PTPRG: variants seen among roughly 807,000 people sequenced by gnomAD.
The protein encoded by PTPRG is protein tyrosine phosphatase receptor type G, also known as receptor-type tyrosine-protein phosphatase gamma.
A neutral mutation model predicts 165.3 loss-of-function variants in PTPRG; 102 were observed. The ratio of observed to expected loss-of-function variants is 0.62; its 90% CI spans 0.53 to 0.73. The LOEUF is 0.73. Among genes scored for constraint, PTPRG ranks in the 30% least tolerant of loss-of-function variants. The pLI is 0.00. For synonymous variants in PTPRG, 675 were observed against 669.5 expected (o/e 1.01, Z -0.13); for missense variants, 1,866 against 1,861.4 (o/e 1.00, Z -0.05).
intron 1 of PTPRG, among the ~76,000 whole-genome samples, chr3:61,640,892 A>C (rs1702040994): frequency 6.6e-6 from 1 of 152,086 alleles, no homozygotes; most frequent in South Asian, 2.1e-4. Flanking sequence ...CAGTGTTTTA[A>C]GTGGGAAGGT....
At position 62,281,552 on chromosome 3, in the gene PTPRG, G is replaced by GTTTTTTT; in HGVS notation, c.3766-11_3766-10insTTTTTTT. Reference sequence around the variant, plus strand: ...AACTGCAGAGGCTTTTTTTTTTTTTGGATTCCAAAGGCAGAAGATGAGTTT... The same window carrying GTTTTTTT: ...AACTGCAGAGGCTTTTTTTTTTTTTGTTTTTTTGATTCCAAAGGCAGAAGATGAGTTT... On this transcript the variant is annotated splice_polypyrimidine_tract_variant and intron_variant, in intron 26 of 29. Transcript: ENST00000474889. 5.0e-6 allele frequency: 1 copy of GTTTTTTT among 199,704 alleles called. No individual in the cohort carries two copies. Among genetic ancestry groups the GTTTTTTT allele is most frequent in the Non-Finnish European group, 6.9e-6 (1 of 145,198 alleles). The allele number at this position is 199,704 out of a possible 1,614,324, so 12.4% of individuals were successfully genotyped here. A position where few individuals can be genotyped will look rare whatever the true frequency, so the allele number is the denominator to read the frequency against.
chr3:61,585,474 G>C (rs560263447), intron 1 of PTPRG, among the ~76,000 whole-genome samples: 93 of 151,902 alleles, frequency 6.1e-4, no homozygotes, highest in African/African-American at 2.1e-3. Context: ...AGGCTGGTGT[G>C]GTGGCTCCCA....
At chr3:61,582,568 T>G (rs907406877) in intron 1 of PTPRG, among the ~76,000 whole-genome samples, 1 of 152,168 alleles carries the variant, frequency 6.6e-6, no homozygotes, top group African/African-American at 2.4e-5. Flanking sequence ...AAGAGTGGAA[T>G]TCATGTTAAC....
At chr3:61,691,472 A>G (rs894116521) in intron 1 of PTPRG, among the ~76,000 whole-genome samples, 5 of 152,216 alleles carry the variant, frequency 3.3e-5, no homozygotes, top group Non-Finnish European at 7.3e-5. Flanking sequence ...TGTGCTTCAT[A>G]TATATGAGGA....
chr3:62,125,953 C>G (rs1023063581), intron 5 of PTPRG, among the ~76,000 whole-genome samples: 1 of 152,084 alleles, frequency 6.6e-6, no homozygotes, highest in South Asian at 2.1e-4. Flanking sequence ...AATCACCATG[C>G]GGGCCCCCAC....
intron 4 of PTPRG, among the ~76,000 whole-genome samples, chr3:62,026,319 T>C (rs2041803268): frequency 6.6e-6 from 1 of 152,234 alleles, no homozygotes; most frequent in Admixed American, 6.5e-5. Flanking sequence ...AAGTGTTTTT[T>C]ATATTAACTA....
intron 1 of PTPRG, among the ~76,000 whole-genome samples, chr3:61,663,704 C>A (rs887075723): frequency 3.3e-5 from 5 of 152,158 alleles, no homozygotes; most frequent in African/African-American, 1.2e-4. Context: ...TGCTTTCCTG[C>A]AACTAAGCAG....
At chr3:61,807,624 A>G (rs1356923804) in intron 2 of PTPRG, among the ~76,000 whole-genome samples, 1 of 152,170 alleles carries the variant, frequency 6.6e-6, no homozygotes, top group Non-Finnish European at 1.5e-5. Context: ...ATAATCTAAG[A>G]CTGCTAGAAA....
Position 62,293,875 on chromosome 3 carries a change from ATTTAT to A in PTPRG, c.*569_*573del, listed in dbSNP as rs1702981850. 1 of 152,514 alleles carries A rather than the reference ATTTAT, an allele frequency of 6.6e-6. No individual in the cohort carries two copies. Among genetic ancestry groups the A allele is most frequent in the Non-Finnish European group, 1.5e-5 (1 of 68,006 alleles). The allele number at this position is 152,514 out of a possible 1,614,324, so 9.4% of individuals were successfully genotyped here. A position where few individuals can be genotyped will look rare whatever the true frequency, so the allele number is the denominator to read the frequency against. On this transcript the variant is annotated 3_prime_UTR_variant, in exon 30 of 30. Transcript: ENST00000474889. Reference sequence around the variant, plus strand: ...AATGTCATGGCCTTGAAACAGTTCCATTTATGCTGGTTAAGAGATCCCTTAAGAAG... The same window carrying A: ...AATGTCATGGCCTTGAAACAGTTCCAGCTGGTTAAGAGATCCCTTAAGAAG...
intron 16 of PTPRG, among the ~76,000 whole-genome samples, chr3:62,258,190 T>C (rs536831142): frequency 3.7e-4 from 57 of 152,278 alleles, no homozygotes; most frequent in African/African-American, 5.3e-4. Flanking sequence ...ATACGACTTA[T>C]AAAAATCTTA....
intron 1 of PTPRG, among the ~76,000 whole-genome samples, chr3:61,608,384 G>A (rs1027917732): frequency 6.6e-6 from 1 of 152,158 alleles, no homozygotes; most frequent in Non-Finnish European, 1.5e-5. Flanking sequence ...GCAACTATGT[G>A]ATCTCACCAC....
At chr3:62,196,023 C>T (rs1017964872) in intron 10 of PTPRG, among the ~76,000 whole-genome samples, 4 of 150,268 alleles carry the variant, frequency 2.7e-5, no homozygotes, top group East Asian at 2.1e-4. Context: ...CTCCTGACTT[C>T]GTGATCTGCC....
chr3:62,285,368 G>T (rs945335772), intron 28 of PTPRG, among the ~76,000 whole-genome samples: 2 of 152,032 alleles, frequency 1.3e-5, no homozygotes, highest in African/African-American at 4.8e-5. Context: ...TTTAAGCTCT[G>T]TCAAAAGCAG....
At chr3:61,712,347 G>T (rs1342927835) in intron 1 of PTPRG, among the ~76,000 whole-genome samples, 6 of 150,488 alleles carry the variant, frequency 4.0e-5, no homozygotes, top group African/African-American at 9.8e-5. Context: ...TTTTTTTAAA[G>T]AGAGAACACT....
At chr3:61,824,287 T>A (rs2036043365) in intron 2 of PTPRG, among the ~76,000 whole-genome samples, 1 of 152,252 alleles carries the variant, frequency 6.6e-6, no homozygotes, top group African/African-American at 2.4e-5. Flanking sequence ...TGTAGATGAA[T>A]ATGTTAATTT....
chr3:61,723,507 T>C (rs1169851096), intron 1 of PTPRG, among the ~76,000 whole-genome samples: 1 of 152,168 alleles, frequency 6.6e-6, no homozygotes, highest in African/African-American at 2.4e-5. Flanking sequence ...TCCTTGTTTC[T>C]ATCAAAAAGG....
chr3:62,103,110 A>AT (rs545921362), intron 5 of PTPRG, among the ~76,000 whole-genome samples: 3 of 150,624 alleles, frequency 2.0e-5, no homozygotes, highest in Admixed American at 6.6e-5. Context: ...TAAAATAGAC[A>AT]TTTTTTCCTA....
At chr3:61,893,187 C>T (rs1447663126) in intron 2 of PTPRG, among the ~76,000 whole-genome samples, 3 of 152,128 alleles carry the variant, frequency 2.0e-5, no homozygotes, top group Non-Finnish European at 4.4e-5. Flanking sequence ...AAGAATTTAT[C>T]AATGTTTTAG....
At chr3:61,871,902 T>C (rs1282438880) in intron 2 of PTPRG, among the ~76,000 whole-genome samples, 4 of 152,160 alleles carry the variant, frequency 2.6e-5, no homozygotes, top group African/African-American at 9.7e-5. Context: ...CCGTAGGCAT[T>C]AAGAATCCAG....
Sources: allele counts gnomAD v4.1 joint callset (sites outside exome capture counted in the v4.1 genomes callset), GRCh38; gene constraint gnomAD v4.1.1; transcripts MANE v1.5; gene names NCBI Gene and HGNC (gene_info 2026-07-23, HGNC 2026-07-21).